The following CD28 variants were observed in gnomAD, a reference collection of about 807,000 sequenced individuals.
The protein encoded by CD28 is T-cell-specific surface glycoprotein CD28.
CD28 carries 8 observed loss-of-function variants against 21.4 expected under a neutral mutation model. The observed-to-expected ratio is 0.37, with a 90% CI of 0.22 to 0.68. CD28 has a LOEUF of 0.68. Ranked by LOEUF, CD28 falls within the 30% of genes least tolerant of loss-of-function variation. CD28 has a pLI of 0.55. For synonymous variants in CD28, 106 were observed against 104.0 expected, an observed-to-expected ratio of 1.02 and a Z score of -0.12; for missense variants, 239 against 272.2, an observed-to-expected ratio of 0.88 and a Z score of 0.86.
At chr2:203,713,103 C>G (rs758430423) in intron 1 of CD28, among the ~76,000 whole-genome samples, 12 of 152,262 alleles carry the variant, frequency 7.9e-5, no homozygotes, top group Middle Eastern at 6.8e-3. Context: ...GAAATTAAAC[C>G]AGGAATACTG....
chr2:203,708,644 A>G (rs73991089), intron 1 of CD28, among the ~76,000 whole-genome samples: 2,059 of 152,354 alleles, frequency 0.014, 45 homozygotes, highest in African/African-American at 0.045. Flanking sequence ...GTTCACACAC[A>G]TAGGGCCTTT....
At chr2:203,732,778 G>T (rs1693929081) in intron 3 of CD28, among the ~76,000 whole-genome samples, 1 of 152,180 alleles carries the variant, frequency 6.6e-6, no homozygotes, top group Non-Finnish European at 1.5e-5. Context: ...CGTGGTGTTT[G>T]TTCCCAGCCA....
intron 2 of CD28, 29 bp downstream of exon 2, chr2:203,727,018 C>T: frequency 7.3e-7 from 1 of 1,362,794 alleles, no homozygotes; most frequent in Non-Finnish European, 1.0e-6. Flanking sequence ...AGTGTACCAC[C>T]CTAAAGTAAT....
At chr2:203,731,618 A>T (rs1581517817) in intron 3 of CD28, among the ~76,000 whole-genome samples, 1 of 152,324 alleles carries the variant, frequency 6.6e-6, no homozygotes, top group South Asian at 2.1e-4. Context: ...TATTATAAAT[A>T]TTCATTAGAA....
intron 3 of CD28, among the ~76,000 whole-genome samples, chr2:203,731,819 T>A (rs1055679135): frequency 3.3e-5 from 5 of 152,170 alleles, no homozygotes; most frequent in East Asian, 1.9e-4. Context: ...TTTAAAAAAA[T>A]TTTATTTTTG....
intron 2 of CD28, among the ~76,000 whole-genome samples, chr2:203,729,242 T>C (rs1199776423): frequency 6.6e-6 from 1 of 152,218 alleles, no homozygotes. Context: ...ATTAGGCTGA[T>C]GATTTTCTTA....
intron 3 of CD28, among the ~76,000 whole-genome samples, chr2:203,732,105 T>A (rs1375972464): frequency 1.3e-5 from 2 of 152,100 alleles, no homozygotes; most frequent in African/African-American, 4.8e-5. Context: ...ATCCCTGGAG[T>A]TTAGCTGTTT....
At chr2:203,723,864 A>G (rs1416700478) in intron 1 of CD28, among the ~76,000 whole-genome samples, 5 of 152,246 alleles carry the variant, frequency 3.3e-5, no homozygotes, top group African/African-American at 1.2e-4. Context: ...TAGAGTTACC[A>G]TATGACCCAG....
At chr2:203,706,523 G>T, upstream of CD28, 4 of 1,550,356 alleles carry the variant, frequency 2.6e-6, no homozygotes, top group Non-Finnish European at 3.5e-6. Context: ...CTGCAGTCAG[G>T]ATGCCTTGTG....
At chr2:203,713,886 A>AGT (rs112347559) in intron 1 of CD28, among the ~76,000 whole-genome samples, 2,567 of 149,114 alleles carry the variant, frequency 0.017, 76 homozygotes, top group African/African-American at 0.06. Context: ...ACAGAGAGAG[A>AGT]GAGTGTGTGT....
At position 203,720,834 on chromosome 2, in the gene CD28, C is replaced by T. The variant is rs13410371; in HGVS notation, c.53-5799C>T. 4.5e-3 allele frequency among the ~76,000 whole-genome samples: 686 copies of T among 152,270 alleles called. 5 individuals are homozygous for T. The highest frequency in any genetic ancestry group is 0.015 in the African/African-American group (642 of 41,556). On this transcript the variant is annotated intron_variant, in intron 1 of 3. Transcript: ENST00000324106. ...AGAAATCAGAATTATTGTGTTTACTCAAAGTCACAATGATCACACATATTC... is the reference window on the plus strand; with the variant it reads ...AGAAATCAGAATTATTGTGTTTACTTAAAGTCACAATGATCACACATATTC...
chr2:203,727,084 G>A (rs1693771872), intron 2 of CD28, 95 bp downstream of exon 2: 2 of 755,484 alleles, frequency 2.6e-6, no homozygotes, highest in Non-Finnish European at 4.5e-6. Flanking sequence ...GGTTGAATAA[G>A]GCCTAAGTGA....
intron 1 of CD28, among the ~76,000 whole-genome samples, chr2:203,718,371 C>T (rs1693518380): frequency 6.6e-6 from 1 of 152,184 alleles, no homozygotes; most frequent in African/African-American, 2.4e-5. Flanking sequence ...GTTACAGTAA[C>T]TTAACTAGCT....
chr2:203,721,276 C>T (rs980272036), intron 1 of CD28, among the ~76,000 whole-genome samples: 2 of 152,200 alleles, frequency 1.3e-5, no homozygotes, highest in African/African-American at 2.4e-5. Flanking sequence ...TTTTCAAGCT[C>T]TTTTCCAGCA....
At chr2:203,715,120 A>C (rs962121242) in intron 1 of CD28, among the ~76,000 whole-genome samples, 1 of 152,196 alleles carries the variant, frequency 6.6e-6, no homozygotes, top group Non-Finnish European at 1.5e-5. Context: ...GTGGCTCAGG[A>C]GGAAAATATG....
chr2:203,719,413 A>G (rs555132294), intron 1 of CD28, among the ~76,000 whole-genome samples: 158 of 152,296 alleles, frequency 1.0e-3, no homozygotes, highest in African/African-American at 3.6e-3. Context: ...TCACTCCCCT[A>G]CTTAATGGTA....
At chr2:203,728,650 A>C (rs890313588) in intron 2 of CD28, among the ~76,000 whole-genome samples, 2 of 152,222 alleles carry the variant, frequency 1.3e-5, no homozygotes, top group African/African-American at 4.8e-5. Flanking sequence ...TTAGATTTCT[A>C]ATATCTGTAA....
intron 3 of CD28, among the ~76,000 whole-genome samples, chr2:203,732,410 T>G (rs549520988): frequency 2.2e-4 from 34 of 152,326 alleles, no homozygotes; most frequent in Non-Finnish European, 3.8e-4. Flanking sequence ...AAGCTGCCCG[T>G]TTTCCTAAAG....
intron 2 of CD28, among the ~76,000 whole-genome samples, chr2:203,727,466 C>G (rs1185027555): frequency 1.4e-5 from 2 of 147,716 alleles, no homozygotes; most frequent in Non-Finnish European, 3.0e-5. Flanking sequence ...TCCTTCCTTC[C>G]TTTTCTTTTC....
Sources: allele counts gnomAD v4.1 joint callset (sites outside exome capture counted in the v4.1 genomes callset), GRCh38; gene constraint gnomAD v4.1.1; transcripts MANE v1.5; gene names NCBI Gene and HGNC (gene_info 2026-07-23, HGNC 2026-07-21).